The following LONP2 variants were observed in gnomAD, a reference collection of about 807,000 sequenced individuals.
LONP2 encodes lon protease homolog 2, peroxisomal.
Under a neutral mutation model 85.6 loss-of-function variants are expected in LONP2, and 60 were observed. That is an observed-to-expected ratio of 0.70 (90% CI 0.57 to 0.87). The LOEUF (loss-of-function observed/expected upper bound fraction) is 0.87, where lower values mean the gene tolerates loss of function less well. Among genes scored for constraint, LONP2 ranks in the 40% least tolerant of loss-of-function variants. LONP2 has a pLI of 0.00. For missense variants in LONP2, 860 were observed against 1,063.5 expected, an observed-to-expected ratio of 0.81 and a Z score of 2.66; for synonymous variants, 395 against 389.7, an observed-to-expected ratio of 1.01 and a Z score of -0.16.
At chr16:48,325,133 A>G (rs1973343143) in intron 11 of LONP2, among the ~76,000 whole-genome samples, 1 of 152,122 alleles carries the variant, frequency 6.6e-6, no homozygotes, top group Non-Finnish European at 1.5e-5. Flanking sequence ...TTAGATTCTC[A>G]TAAGGAGCAC....
chr16:48,249,000 T>C (rs969778010), intron 1 of LONP2, among the ~76,000 whole-genome samples: 1 of 151,996 alleles, frequency 6.6e-6, no homozygotes, highest in African/African-American at 2.4e-5. Flanking sequence ...ATTTTCCCAC[T>C]ACTGCAGTTG....
chr16:48,274,868 T>C (rs557330276), intron 7 of LONP2, among the ~76,000 whole-genome samples: 14 of 152,330 alleles, frequency 9.2e-5, no homozygotes, highest in South Asian at 8.3e-4. Flanking sequence ...CTCTTTTCTA[T>C]TCCAAATTCT....
At chr16:48,288,422 GT>G (rs1170143219) in intron 8 of LONP2, among the ~76,000 whole-genome samples, 6 of 152,036 alleles carry the variant, frequency 3.9e-5, no homozygotes, top group African/African-American at 1.4e-4. Context: ...CAAAGTGCTG[GT>G]ATTACAGGCA....
chr16:48,312,156 A>G (rs111604316), intron 11 of LONP2, among the ~76,000 whole-genome samples: 1,856 of 149,480 alleles, frequency 0.012, 41 homozygotes, highest in African/African-American at 0.043. Context: ...TTGGCCAGGC[A>G]GGTCTTGAAC....
downstream of LONP2, chr16:48,361,943 A>G (rs140192307): frequency 2.5e-6 from 4 of 1,614,050 alleles, no homozygotes; most frequent in African/African-American, 5.3e-5. Flanking sequence ...GAAAAACTAT[A>G]TCCTCTCCCT....
intron 6 of LONP2, among the ~76,000 whole-genome samples, chr16:48,263,791 A>G (rs1219486208): frequency 6.6e-6 from 1 of 152,178 alleles, no homozygotes; most frequent in East Asian, 1.9e-4. Context: ...CTGTTTTCAT[A>G]ATGGCTGTTA....
At chr16:48,254,364 AT>A (rs141945767) in intron 2 of LONP2, among the ~76,000 whole-genome samples, 25,647 of 138,584 alleles carry the variant, frequency 0.19, 2,473 homozygotes, top group Non-Finnish European at 0.27. Flanking sequence ...TCCATCTCTG[AT>A]TTTTTTTTTT....
intron 11 of LONP2, among the ~76,000 whole-genome samples, chr16:48,303,870 A>G (rs1012345323): frequency 6.6e-6 from 1 of 152,226 alleles, no homozygotes; most frequent in Non-Finnish European, 1.5e-5. Flanking sequence ...AGGCCAGAAG[A>G]TTCAGCAAGT....
At chr16:48,360,355 A>ATG (rs1567364368), downstream of LONP2, among the ~76,000 whole-genome samples, 1 of 152,128 alleles carries the variant, frequency 6.6e-6, no homozygotes, top group Non-Finnish European at 1.5e-5. Flanking sequence ...GGGGCAGGGC[A>ATG]TGGGAAAGAC....
At chr16:48,343,767 T>G (rs1455180860) in intron 12 of LONP2, 3 of 152,238 alleles carry the variant, frequency 2.0e-5, no homozygotes, top group Admixed American at 6.5e-5. Flanking sequence ...ATATTTTAAA[T>G]ACTTCCTTAA....
chr16:48,271,486 A>G (rs571134039), intron 7 of LONP2, among the ~76,000 whole-genome samples: 4 of 152,340 alleles, frequency 2.6e-5, no homozygotes, highest in African/African-American at 9.6e-5. Flanking sequence ...AGGGATCCCT[A>G]TCCATAGACA....
intron 11 of LONP2, among the ~76,000 whole-genome samples, chr16:48,331,684 C>T (rs912578946): frequency 1.3e-5 from 2 of 152,022 alleles, no homozygotes; most frequent in African/African-American, 4.8e-5. Flanking sequence ...CCTGCCTCAG[C>T]CTCCCGAGTA....
chr16:48,328,844 A>C (rs1195002502), intron 11 of LONP2, among the ~76,000 whole-genome samples: 1 of 112,694 alleles, frequency 8.9e-6, no homozygotes, highest in African/African-American at 3.3e-5. Context: ...AAAGGGGGGG[A>C]GGGGCGGTGG....
intron 9 of LONP2, among the ~76,000 whole-genome samples, chr16:48,297,260 A>C (rs1322856879): frequency 6.6e-6 from 1 of 152,100 alleles, no homozygotes; most frequent in Non-Finnish European, 1.5e-5. Context: ...GGCCTCCAAA[A>C]GTATAAGGAT....
chr16:48,256,832 A>G, intron 3 of LONP2, 91 bp downstream of exon 3: 1 of 1,159,022 alleles, frequency 8.6e-7, no homozygotes. Context: ...TTCAAGAAAA[A>G]GATATTGGAG....
intron 8 of LONP2, among the ~76,000 whole-genome samples, chr16:48,278,678 A>C (rs1481202545): frequency 1.3e-5 from 2 of 152,140 alleles, no homozygotes; most frequent in African/African-American, 4.8e-5. Context: ...GACCTGCTTT[A>C]CCCTGAAAAC....
At chr16:48,358,407 A>G (rs545984919), downstream of LONP2, among the ~76,000 whole-genome samples, 1 of 152,336 alleles carries the variant, frequency 6.6e-6, no homozygotes, top group South Asian at 2.1e-4. Context: ...ATTACAGTGA[A>G]TCCTCAAACT....
chr16:48,251,668 T>C (rs1216694194), intron 1 of LONP2, among the ~76,000 whole-genome samples: 2 of 152,316 alleles, frequency 1.3e-5, no homozygotes, highest in Admixed American at 1.3e-4. Context: ...ATAGACTGAT[T>C]ATGTAAGAAA....
At chr16:48,342,014 A>C (rs1269906870) in intron 12 of LONP2, among the ~76,000 whole-genome samples, 1 of 152,200 alleles carries the variant, frequency 6.6e-6, no homozygotes, top group Non-Finnish European at 1.5e-5. Flanking sequence ...TGGAAAGAGT[A>C]GGTCACTGCC....
Sources: gnomAD v4.1 joint callset for allele counts (sites outside exome capture counted in the v4.1 genomes callset) on GRCh38, gnomAD v4.1.1 for gene constraint, MANE v1.5 for transcripts, NCBI Gene and HGNC (gene_info 2026-07-23, HGNC 2026-07-21) for gene names.